The following LRP11 variants were observed in gnomAD, a reference collection of about 807,000 sequenced individuals.
The protein encoded by LRP11 is LDL receptor related protein 11.
Under a neutral mutation model 43.1 loss-of-function variants are expected in LRP11, and 25 were observed. The ratio of observed to expected loss-of-function variants is 0.58; its 90% CI spans 0.42 to 0.81. The LOEUF (loss-of-function observed/expected upper bound fraction) is 0.81, where lower values mean the gene tolerates loss of function less well. Ranked by LOEUF, LRP11 falls within the 30% of genes least tolerant of loss-of-function variation. The probability of loss-of-function intolerance (pLI) is 0.00; values close to 1 mark genes in which losing one functional copy is unlikely to be tolerated. For synonymous variants in LRP11, 316 were observed against 299.4 expected, an observed-to-expected ratio of 1.06 and a Z score of -0.57; for missense variants, 623 against 665.1, an observed-to-expected ratio of 0.94 and a Z score of 0.70.
intron 1 of LRP11, 172 bp from the exon 2 acceptor site, chr6:149,853,332 T>C (rs1219219189): frequency 3.3e-6 from 2 of 603,586 alleles, no homozygotes; most frequent in South Asian, 3.0e-5. Context: ...TTAGCTATAA[T>C]ATGCGCAGAA....
chr6:149,856,027 TC>T (rs1486276426), intron 1 of LRP11, among the ~76,000 whole-genome samples: 1 of 152,240 alleles, frequency 6.6e-6, no homozygotes, highest in Non-Finnish European at 1.5e-5. Context: ...GTTCATTGTT[TC>T]CACACAATGG....
chr6:149,834,268 G>A (rs530141245), intron 5 of LRP11, among the ~76,000 whole-genome samples: 35 of 152,324 alleles, frequency 2.3e-4, no homozygotes, highest in Middle Eastern at 3.4e-3. Flanking sequence ...GCATGGGTAA[G>A]GGCTGATGGG....
chr6:149,845,586 T>C (rs1229447510), intron 2 of LRP11, among the ~76,000 whole-genome samples: 1 of 152,146 alleles, frequency 6.6e-6, no homozygotes, highest in East Asian at 1.9e-4. Context: ...ACGTGAGTGC[T>C]AAAATACTAA....
intron 2 of LRP11, among the ~76,000 whole-genome samples, chr6:149,844,345 C>T (rs1776597595): frequency 6.6e-6 from 1 of 152,182 alleles, no homozygotes; most frequent in African/African-American, 2.4e-5. Flanking sequence ...GCTTCCTTGG[C>T]CTCCTTTTCT....
At position 149,818,837 on chromosome 6, in the gene LRP11, T is replaced by C. The variant is rs1308970416; in HGVS notation, c.*1712A>G. The C allele has an allele frequency of 3.3e-5, 5 of 152,570 alleles. No homozygotes were observed. Among genetic ancestry groups the C allele is most frequent in the Admixed American group, 2.6e-4 (4 of 15,286 alleles). 9.5% of individuals were successfully genotyped at this position (152,570 alleles called of 1,614,324 possible). Reference sequence around the variant, plus strand: ...ATTTATTAAAGGAATCATGTTTACATAGATACAGAACATCTTGGATATTTC... The same window carrying C: ...ATTTATTAAAGGAATCATGTTTACACAGATACAGAACATCTTGGATATTTC... On this transcript the variant is annotated 3_prime_UTR_variant, in exon 7 of 7. Coordinates refer to ENST00000239367, the MANE Select transcript of LRP11 (RefSeq NM_032832.6).
intron 6 of LRP11, among the ~76,000 whole-genome samples, chr6:149,823,277 T>C (rs1776299451): frequency 6.6e-6 from 1 of 152,076 alleles, no homozygotes; most frequent in South Asian, 2.1e-4. Flanking sequence ...GTACAGAAGA[T>C]GGAGGATGCT....
At chr6:149,839,187 G>A (rs549530596) in intron 3 of LRP11, among the ~76,000 whole-genome samples, 9 of 151,750 alleles carry the variant, frequency 5.9e-5, no homozygotes, top group Non-Finnish European at 8.8e-5. Context: ...AAGCCACTGC[G>A]CCCGGCCTTG....
intron 2 of LRP11, among the ~76,000 whole-genome samples, chr6:149,847,893 G>C (rs1252852387): frequency 6.7e-6 from 1 of 148,160 alleles, no homozygotes; most frequent in Non-Finnish European, 1.5e-5. Flanking sequence ...TATATACTTG[G>C]TTACAAAGAC....
intron 1 of LRP11, among the ~76,000 whole-genome samples, chr6:149,862,936 G>A (rs1240465259): frequency 6.6e-6 from 1 of 152,052 alleles, no homozygotes; most frequent in Admixed American, 6.5e-5. Context: ...TTTTATAAAA[G>A]GGACCAGAAG....
At chr6:149,826,565 G>A (rs539168390) in intron 5 of LRP11, among the ~76,000 whole-genome samples, 19 of 150,726 alleles carry the variant, frequency 1.3e-4, no homozygotes, top group African/African-American at 4.2e-4. Flanking sequence ...CAGCTAATAC[G>A]AAACCACCGA....
At chr6:149,821,012 C>T (rs1198509263) in intron 6 of LRP11, among the ~76,000 whole-genome samples, 1 of 148,026 alleles carries the variant, frequency 6.8e-6, no homozygotes, top group East Asian at 2.0e-4. Flanking sequence ...CTCACTGCAA[C>T]CTCTACCTCC....
chr6:149,837,273 G>C (rs1205172271), intron 4 of LRP11, 65 bp downstream of exon 4: 1 of 1,551,090 alleles, frequency 6.4e-7, no homozygotes, highest in African/African-American at 1.4e-5. Context: ...TTCATTCTCA[G>C]AACACAGACC....
In LRP11 at chr6:149,863,527, C is replaced by A; in HGVS notation, c.494G>T (p.Cys165Phe). The A allele has an allele frequency of 7.4e-7, 1 of 1,352,254 alleles. No individual in the cohort carries two copies. The highest frequency in any genetic ancestry group is 1.9e-5 in the South Asian group (1 of 53,662). The allele number at this position is 1,352,254 out of a possible 1,614,324, so 83.8% of individuals were successfully genotyped here. The part of the protein sequence containing the change: ...AAVLGCYLFN[C>F]TARGRNVCKF... ...GCAGACGTTGCGGCCGCGCGCCGTG[C>A]AGTTGAAGAGGTAGCAGCCGAGCAC... The change falls in exon 1 of 7, where the codon TGC (cysteine) becomes TTC (phenylalanine). Residue 165 changes from cysteine to phenylalanine, a missense_variant. Cys to Phe is a radical substitution (Grantham distance 205). Coordinates refer to ENST00000239367, the MANE Select transcript of LRP11 (RefSeq NM_032832.6).
intron 2 of LRP11, among the ~76,000 whole-genome samples, chr6:149,846,221 G>A (rs1166975281): frequency 6.6e-6 from 1 of 152,216 alleles, no homozygotes; most frequent in African/African-American, 2.4e-5. Context: ...TGGAGAGGTG[G>A]GCGGGTGTGT....
In LRP11 at chr6:149,837,290, C is replaced by T. The variant is rs200983791; in HGVS notation, c.1039+48G>A. ...CATTCTCAGAACACAGACCTCCCAA[C>T]TCCATCCCTTCCAGCCACTGCCTAG... On this transcript the variant is annotated intron_variant, in intron 4 of 6. Coordinates refer to ENST00000239367, the MANE Select transcript of LRP11 (RefSeq NM_032832.6). The T allele has an allele frequency of 1.4e-5, 22 of 1,594,422 alleles. No homozygotes were observed. The South Asian group carries it at 2.5e-4, about 18-fold the overall frequency.
intron 1 of LRP11, among the ~76,000 whole-genome samples, chr6:149,859,472 T>C (rs114586678): frequency 0.011 from 1,596 of 147,266 alleles, 29 homozygotes; most frequent in African/African-American, 0.038. Flanking sequence ...CTCAGCTTAC[T>C]GTAACCTCCG....
chr6:149,842,532 T>C, intron 3 of LRP11: 1 of 983,782 alleles, frequency 1.0e-6, no homozygotes. Context: ...TTTGTACCCT[T>C]TGACCAGCGT....
intron 1 of LRP11, among the ~76,000 whole-genome samples, chr6:149,859,144 G>A (rs1349686372): frequency 6.6e-6 from 1 of 151,856 alleles, no homozygotes; most frequent in Non-Finnish European, 1.5e-5. Flanking sequence ...GTTTCCAAGA[G>A]GGAAGTAGCA....
chr6:149,846,784 C>T (rs942809526), intron 2 of LRP11, among the ~76,000 whole-genome samples: 4 of 151,772 alleles, frequency 2.6e-5, no homozygotes, highest in South Asian at 2.1e-4. Flanking sequence ...ACTAAAAATA[C>T]AAAAATTAGC....
Sources: allele counts gnomAD v4.1 joint callset (sites outside exome capture counted in the v4.1 genomes callset), GRCh38; gene constraint gnomAD v4.1.1; transcripts MANE v1.5; gene names NCBI Gene and HGNC (gene_info 2026-07-23, HGNC 2026-07-21).